Variants in BEAN1 observed in about 807,000 individuals in gnomAD.
The protein encoded by BEAN1 is brain expressed associated with NEDD4 1.
In BEAN1, 17 loss-of-function variants were observed where a neutral mutation model predicts 17.7. The observed-to-expected ratio is 0.96, with a 90% confidence interval of 0.66 to 1.44. The LOEUF is 1.44. Among genes scored for constraint, BEAN1 ranks in the 40% most tolerant of loss-of-function variants. BEAN1 has a pLI of 0.00. For synonymous variants in BEAN1, 142 were observed against 151.8 expected, an observed-to-expected ratio of 0.94 and a Z score of 0.47; for missense variants, 359 against 374.1, an observed-to-expected ratio of 0.96 and a Z score of 0.33.
At chr16:66,436,262 TTTTC>T (rs933071476) in intron 1 of BEAN1, among the ~76,000 whole-genome samples, 17 of 141,812 alleles carry the variant, frequency 1.2e-4, no homozygotes, top group African/African-American at 2.8e-4. Flanking sequence ...ACTTTTTTTC[TTTTC>T]TTTTTTTTTT....
At chr16:66,440,297 G>GT (rs1189716967) in intron 2 of BEAN1, among the ~76,000 whole-genome samples, 4 of 151,512 alleles carry the variant, frequency 2.6e-5, no homozygotes, top group East Asian at 1.9e-4. Flanking sequence ...ACCTGGCTAA[G>GT]TTTTTTTTGT....
intron 4 of BEAN1, among the ~76,000 whole-genome samples, chr16:66,492,450 G>GT (rs1047031413): frequency 4.0e-5 from 6 of 150,930 alleles, no homozygotes; most frequent in South Asian, 2.1e-4. Context: ...GCGTTTTTTT[G>GT]TTTTTTTGAG....
At chr16:66,477,836 G>T (rs1015330393) in intron 4 of BEAN1, 126 bp downstream of exon 4, 1 of 1,151,962 alleles carries the variant, frequency 8.7e-7, no homozygotes, top group East Asian at 3.0e-5. Context: ...CATCTGCTCA[G>T]TGGGCATGGC....
intron 2 of BEAN1, among the ~76,000 whole-genome samples, chr16:66,442,044 T>A (rs1962280005): frequency 6.6e-6 from 1 of 152,218 alleles, no homozygotes; most frequent in African/African-American, 2.4e-5. Flanking sequence ...GGGGAGGCAG[T>A]CAAACCCTGA....
chr16:66,486,215 G>GTTGTTTGT (rs139258964), downstream of BEAN1, among the ~76,000 whole-genome samples: 4 of 152,098 alleles, frequency 2.6e-5, no homozygotes, highest in African/African-American at 2.4e-5. Context: ...TAGGGTCTCT[G>GTTGTTTGT]TTGTTTGTTT....
intron 2 of BEAN1, among the ~76,000 whole-genome samples, chr16:66,467,894 G>T (rs909352686): frequency 6.6e-6 from 1 of 152,250 alleles, no homozygotes; most frequent in Admixed American, 6.5e-5. Context: ...TGCCCCAAGG[G>T]CATGTTTCTA....
chr16:66,472,630 G>T (rs570366370), intron 3 of BEAN1, among the ~76,000 whole-genome samples: 1 of 152,284 alleles, frequency 6.6e-6, no homozygotes, highest in East Asian at 1.9e-4. Context: ...CTTGAACCTG[G>T]GAGGCATAGG....
chr16:66,465,597 A>C (rs1331434853), intron 2 of BEAN1, among the ~76,000 whole-genome samples: 1 of 152,242 alleles, frequency 6.6e-6, no homozygotes, highest in Non-Finnish European at 1.5e-5. Flanking sequence ...CATCAACACT[A>C]TCCATCTCCA....
rs138754158 is a variant in BEAN1 at position 66,467,877 on chromosome 16, C to A, written c.26-1725C>A. ...AGGCTGCAAGAGCCACCAGCATGGG[C>A]CACACCTGCCCCAAGGGCATGTTTC... On this transcript the variant is annotated intron_variant, in intron 2 of 4. Coordinates refer to ENST00000536005, the MANE Select transcript of BEAN1 (RefSeq NM_001178020.3). Among the ~76,000 whole-genome samples, 42 of 152,362 alleles carry A rather than the reference C, an allele frequency of 2.8e-4. No homozygotes were observed. In the East Asian group the frequency reaches 7.1e-3, roughly 26 times the overall value.
rs8049640 is a variant in BEAN1, at chr16:66,490,671, C to A, written c.148-2291C>A. 3.9e-5 allele frequency among the ~76,000 whole-genome samples: 6 copies of A among 151,970 alleles called. No individual in the cohort carries two copies. In the South Asian group the frequency reaches 1.0e-3, roughly 26 times the overall value. ...TAGCAGAGTATGCCTCTGCAGCCAG[C>A]AGCACTCAAGGCATGAGGCATTACT... On this transcript the variant is annotated intron_variant, in intron 4 of 4. Coordinates refer to the BEAN1 transcript ENST00000561796.
At chr16:66,449,462 G>T (rs1197868976) in intron 2 of BEAN1, among the ~76,000 whole-genome samples, 1 of 151,580 alleles carries the variant, frequency 6.6e-6, no homozygotes, top group Non-Finnish European at 1.5e-5. Context: ...ACAAAATTAG[G>T]TGGGCATGGT....
downstream of BEAN1, among the ~76,000 whole-genome samples, chr16:66,487,203 T>C (rs971255420): frequency 2.0e-5 from 3 of 152,164 alleles, no homozygotes; most frequent in Non-Finnish European, 4.4e-5. Context: ...AAGAGGAACA[T>C]AAATTTGGGC....
intron 1 of BEAN1, among the ~76,000 whole-genome samples, chr16:66,436,385 A>G (rs1962020547): frequency 6.8e-6 from 1 of 146,202 alleles, no homozygotes; most frequent in Non-Finnish European, 1.5e-5. Flanking sequence ...CTCCTGCCTC[A>G]GCCTCCTGAG....
chr16:66,468,480 G>A (rs746468858), intron 2 of BEAN1, among the ~76,000 whole-genome samples: 8 of 152,176 alleles, frequency 5.3e-5, no homozygotes, highest in Admixed American at 2.0e-4. Flanking sequence ...TCAGAGATCC[G>A]GCTGGCAGCC....
downstream of BEAN1, among the ~76,000 whole-genome samples, chr16:66,494,935 G>C (rs1327020070): frequency 1.3e-5 from 2 of 152,322 alleles, no homozygotes; most frequent in Non-Finnish European, 1.5e-5. Flanking sequence ...TCTCTATGTG[G>C]TGGCAGGTGT....
At chr16:66,462,215 G>C (rs1470909697) in intron 2 of BEAN1, among the ~76,000 whole-genome samples, 1 of 152,218 alleles carries the variant, frequency 6.6e-6, no homozygotes, top group Non-Finnish European at 1.5e-5. Flanking sequence ...ACAAGAAAAA[G>C]ATGGAGGAGA....
chr16:66,479,014 T>C (rs1014688882), intron 4 of BEAN1: 5 of 152,420 alleles, frequency 3.3e-5, no homozygotes, highest in African/African-American at 1.2e-4. Flanking sequence ...CCACCTGGGT[T>C]TGAGCCCATC....
intron 2 of BEAN1, among the ~76,000 whole-genome samples, chr16:66,456,610 G>A (rs1016549440): frequency 6.6e-6 from 1 of 152,240 alleles, no homozygotes; most frequent in Non-Finnish European, 1.5e-5. Flanking sequence ...TGAGAGCTTG[G>A]TGTGGGTTCA....
chr16:66,478,938 G>C (rs951738884), intron 4 of BEAN1: 2 of 152,386 alleles, frequency 1.3e-5, no homozygotes, highest in African/African-American at 4.8e-5. Flanking sequence ...CGTGTGCCAC[G>C]CTACAGAGGG....
Sources: allele counts gnomAD v4.1 joint callset (sites outside exome capture counted in the v4.1 genomes callset), GRCh38; gene constraint gnomAD v4.1.1; transcripts MANE v1.5; gene names NCBI Gene and HGNC (gene_info 2026-07-23, HGNC 2026-07-21).